The following RBFOX1 variants were observed in gnomAD, a reference collection of about 807,000 sequenced individuals.
RBFOX1 encodes the protein RNA binding fox-1 homolog 1, also known as RNA binding protein fox-1 homolog 1.
RBFOX1 carries 8 observed loss-of-function variants against 57.7 expected under a neutral mutation model. The observed-to-expected ratio is 0.14, with a 90% CI of 0.08 to 0.25. RBFOX1 has a LOEUF of 0.25. Among genes scored for constraint, RBFOX1 ranks in the 10% least tolerant of loss-of-function variants. The pLI is 1.00. For synonymous variants in RBFOX1, 326 were observed against 222.4 expected (o/e 1.47, Z -4.15); for missense variants, 611 against 548.5 (o/e 1.11, Z -1.14).
intron 4 of RBFOX1, among the ~76,000 whole-genome samples, chr16:5,884,172 G>C (rs2057837239): frequency 6.6e-6 from 1 of 152,182 alleles, no homozygotes; most frequent in Non-Finnish European, 1.5e-5. Flanking sequence ...CAAGTTGTCA[G>C]TAAATGATAC....
intron 3 of RBFOX1, among the ~76,000 whole-genome samples, chr16:6,687,853 G>T (rs80144608): frequency 2.0e-5 from 3 of 152,172 alleles, no homozygotes; most frequent in Admixed American, 1.3e-4. Flanking sequence ...TCTGGGAAAT[G>T]TGTGCTCAGG....
chr16:7,524,548 A>C (rs993410312), intron 5 of RBFOX1, among the ~76,000 whole-genome samples: 2 of 152,180 alleles, frequency 1.3e-5, no homozygotes, highest in African/African-American at 2.4e-5. Context: ...TCCAACAGCA[A>C]CTTAACTTCT....
chr16:7,534,808 CA>C (rs2081088829), intron 5 of RBFOX1, among the ~76,000 whole-genome samples: 1 of 152,074 alleles, frequency 6.6e-6, no homozygotes, highest in African/African-American at 2.4e-5. Flanking sequence ...TTCTAACACA[CA>C]GTTCACCCTG....
At chr16:5,348,025 A>C (rs1357091565) in intron 1 of RBFOX1, among the ~76,000 whole-genome samples, 22 of 116,498 alleles carry the variant, frequency 1.9e-4, no homozygotes, top group South Asian at 3.0e-4. Context: ...CCCCCCACCT[A>C]CCCACCCATC....
At chr16:5,397,606 C>G (rs541382785) in intron 1 of RBFOX1, among the ~76,000 whole-genome samples, 1 of 152,268 alleles carries the variant, frequency 6.6e-6, no homozygotes, top group East Asian at 1.9e-4. Flanking sequence ...ACAAAAGACT[C>G]AATTTCTTCA....
At chr16:7,112,216 T>G (rs1166679853) in intron 4 of RBFOX1, among the ~76,000 whole-genome samples, 4 of 152,096 alleles carry the variant, frequency 2.6e-5, no homozygotes, top group Admixed American at 2.6e-4. Context: ...AGCAAACCAA[T>G]TCATTTTTTT....
intron 12 of RBFOX1, among the ~76,000 whole-genome samples, chr16:7,655,858 CAG>C (rs1418008686): frequency 6.6e-6 from 1 of 152,156 alleles, no homozygotes; most frequent in African/African-American, 2.4e-5. Context: ...ATAAACATCT[CAG>C]AATGACACAC....
intron 3 of RBFOX1, among the ~76,000 whole-genome samples, chr16:6,943,108 T>C (rs191047188): frequency 1.3e-5 from 2 of 152,294 alleles, no homozygotes; most frequent in East Asian, 3.9e-4. Context: ...AGGGAGCCAA[T>C]CTGGGTATTC....
intron 1 of RBFOX1, among the ~76,000 whole-genome samples, chr16:5,464,584 A>AT (rs1354728418): frequency 2.6e-5 from 4 of 151,744 alleles, no homozygotes; most frequent in Admixed American, 6.6e-5. Context: ...CTTTATGTGG[A>AT]TTTTTTTGCA....
intron 3 of RBFOX1, among the ~76,000 whole-genome samples, chr16:6,701,692 G>C (rs2061879646): frequency 6.6e-6 from 1 of 152,112 alleles, no homozygotes; most frequent in South Asian, 2.1e-4. Context: ...CAAAGACATG[G>C]AATCAACCTG....
At chr16:6,542,862 A>G (rs76022245) in intron 2 of RBFOX1, among the ~76,000 whole-genome samples, 1 of 152,032 alleles carries the variant, frequency 6.6e-6, no homozygotes, top group African/African-American at 2.4e-5. Context: ...TAAGTCTGTA[A>G]ACTTCATTGG....
chr16:7,649,458 G>C (rs118056373), intron 11 of RBFOX1, among the ~76,000 whole-genome samples: 1 of 152,140 alleles, frequency 6.6e-6, no homozygotes, highest in South Asian at 2.1e-4. Flanking sequence ...CTAACTTTCT[G>C]GAAATGTAGT....
chr16:5,569,036 G>T lies in RBFOX1; in HGVS notation c.259-29866G>T, dbSNP rs1328839363. On this transcript the variant is annotated intron_variant, in intron 2 of 2. Coordinates refer to the RBFOX1 transcript ENST00000585867. ...TTGTATTTTTTTTTTTTTTTTGGTA[G>T]AGGCAGGGTTTCATCATATTGGTCA... is the stretch of plus-strand genomic sequence containing the variant. 2.6e-4 allele frequency among the ~76,000 whole-genome samples: 38 copies of T among 148,214 alleles called. 1 individual carries two copies. Among genetic ancestry groups the T allele is most frequent in the South Asian group, 1.5e-3 (7 of 4,712 alleles).
At chr16:5,861,060 A>G (rs2057200831) in intron 3 of RBFOX1, among the ~76,000 whole-genome samples, 1 of 152,230 alleles carries the variant, frequency 6.6e-6, no homozygotes, top group Non-Finnish European at 1.5e-5. Context: ...ACCAGCTGCA[A>G]GGTGAACAAT....
At chr16:6,291,845 C>G (rs1433116396) in intron 1 of RBFOX1, among the ~76,000 whole-genome samples, 1 of 152,128 alleles carries the variant, frequency 6.6e-6, no homozygotes. Flanking sequence ...ATGTTCTTAA[C>G]TTTGGCAAGT....
chr16:5,886,557 A>G (rs567587819), intron 4 of RBFOX1, among the ~76,000 whole-genome samples: 36 of 152,346 alleles, frequency 2.4e-4, no homozygotes, highest in African/African-American at 7.7e-4. Context: ...GTGAAAGAAT[A>G]CCATTGGCCC....
At chr16:6,026,535 C>G (rs570860136) in intron 1 of RBFOX1, among the ~76,000 whole-genome samples, 2 of 152,288 alleles carry the variant, frequency 1.3e-5, no homozygotes, top group Non-Finnish European at 1.5e-5. Context: ...TTGCAAGATA[C>G]AAGGGAGGGT....
At position 7,047,184 on chromosome 16, in the gene RBFOX1, G is replaced by T. The variant is rs556555632; in HGVS notation, c.-15-4873G>T. Among the ~76,000 whole-genome samples, 107 of 151,804 alleles carry T rather than the reference G, an allele frequency of 7.0e-4. No individual in the cohort carries two copies. In the East Asian group the frequency reaches 0.02, roughly 29 times the overall value. ...TTCTTGTTGTTTGAAGTTTCCTTCA[G>T]GTATCCTATTTCCTTTATCTGGAAA... On this transcript the variant is annotated intron_variant, in intron 3 of 15. Coordinates refer to ENST00000550418, the MANE Select transcript of RBFOX1 (RefSeq NM_018723.4).
chr16:6,079,801 A>C (rs1294602724), intron 1 of RBFOX1, among the ~76,000 whole-genome samples: 1 of 152,144 alleles, frequency 6.6e-6, no homozygotes. Context: ...GTGTTACTGC[A>C]CTCCAGCCTG....
Sources: gnomAD v4.1 joint callset for allele counts (sites outside exome capture counted in the v4.1 genomes callset) on GRCh38, gnomAD v4.1.1 for gene constraint, MANE v1.5 for transcripts, NCBI Gene and HGNC (gene_info 2026-07-23, HGNC 2026-07-21) for gene names.